BLK: variants seen among roughly 807,000 people sequenced by gnomAD.
The protein encoded by BLK is BLK proto-oncogene, Src family tyrosine kinase, also known as tyrosine-protein kinase Blk.
A neutral mutation model predicts 61.8 loss-of-function variants in BLK; 64 were observed. The ratio of observed to expected loss-of-function variants is 1.03; its 90% CI spans 0.85 to 1.27. BLK has a LOEUF of 1.27. Ranked by LOEUF, BLK falls within the 50% of genes most tolerant of loss-of-function variation. The probability of loss-of-function intolerance (pLI) is 0.00; values close to 1 mark genes in which losing one functional copy is unlikely to be tolerated. For synonymous variants in BLK, 351 were observed against 272.0 expected (o/e 1.29, Z -2.86); for missense variants, 853 against 660.5 (o/e 1.29, Z -3.19).
chr8:11,504,089 C>T (rs1423547455), intron 1 of BLK, among the ~76,000 whole-genome samples: 8 of 152,080 alleles, frequency 5.3e-5, no homozygotes, highest in African/African-American at 1.4e-4. Context: ...TTTGGGAGGC[C>T]GAGGCAGGCG....
intron 1 of BLK, among the ~76,000 whole-genome samples, chr8:11,539,581 CT>C (rs1009135186): frequency 5.9e-5 from 9 of 152,092 alleles, no homozygotes; most frequent in African/African-American, 2.2e-4. Flanking sequence ...GGTATGTGTG[CT>C]TTTTTATTTT....
intron 1 of BLK, among the ~76,000 whole-genome samples, chr8:11,537,620 T>A (rs897630327): frequency 3.3e-5 from 5 of 152,158 alleles, no homozygotes; most frequent in African/African-American, 1.2e-4. Context: ...AGTAACACCC[T>A]CCAGCTGCCA....
chr8:11,499,432 C>T (rs1798476620), intron 1 of BLK, among the ~76,000 whole-genome samples: 1 of 152,170 alleles, frequency 6.6e-6, no homozygotes, highest in Admixed American at 6.5e-5. Context: ...GATAGTCAGT[C>T]CAAGAGCTGT....
At chr8:11,507,147 C>G (rs548525787) in intron 1 of BLK, among the ~76,000 whole-genome samples, 3 of 152,354 alleles carry the variant, frequency 2.0e-5, no homozygotes, top group African/African-American at 7.2e-5. Flanking sequence ...TAAATGTACA[C>G]TGTGATTTTA....
chr8:11,556,876 G>C, intron 9 of BLK, 39 bp downstream of exon 9: 1 of 1,605,208 alleles, frequency 6.2e-7, no homozygotes, highest in Middle Eastern at 1.8e-4. Flanking sequence ...AGAGCGAGGC[G>C]GGAGGGCCGG....
At chr8:11,519,942 C>A (rs1031123066) in intron 1 of BLK, among the ~76,000 whole-genome samples, 1 of 152,124 alleles carries the variant, frequency 6.6e-6, no homozygotes, top group African/African-American at 2.4e-5. Flanking sequence ...TATTGGGGTT[C>A]TGGGAAACGT....
At chr8:11,517,206 G>A (rs1799263669) in intron 1 of BLK, among the ~76,000 whole-genome samples, 1 of 152,228 alleles carries the variant, frequency 6.6e-6, no homozygotes, top group Non-Finnish European at 1.5e-5. Flanking sequence ...CCGGCTCTCG[G>A]CCAAGGCAGA....
chr8:11,525,710 T>G (rs1378835142), intron 1 of BLK, among the ~76,000 whole-genome samples: 2 of 152,232 alleles, frequency 1.3e-5, no homozygotes, highest in Non-Finnish European at 2.9e-5. Context: ...TCATGTGCCC[T>G]CCTCAGAAGC....
intron 1 of BLK, among the ~76,000 whole-genome samples, chr8:11,542,568 G>A (rs1298268265): frequency 6.6e-6 from 1 of 152,152 alleles, no homozygotes; most frequent in African/African-American, 2.4e-5. Context: ...TGTTGATGGT[G>A]TCAAAAGGGC....
chr8:11,527,630 G>A (rs1216633927), intron 1 of BLK, among the ~76,000 whole-genome samples: 1 of 152,054 alleles, frequency 6.6e-6, no homozygotes, highest in Non-Finnish European at 1.5e-5. Flanking sequence ...GGGTGTTGCT[G>A]ATTGCTTGTA....
rs1798771432 is a variant in BLK, at chr8:11,506,422, G to T, written c.-2+11831G>T. ...CATGGCACTAGTTTCATGGAAGGTGGAAGGGCAGGTTAGGCTTCTTATGAG... is the reference window on the plus strand; with the variant it reads ...CATGGCACTAGTTTCATGGAAGGTGTAAGGGCAGGTTAGGCTTCTTATGAG... On this transcript the variant is annotated intron_variant, in intron 1 of 12. Transcript: ENST00000259089. Among the ~76,000 whole-genome samples the T allele has an allele frequency of 1.3e-5, 2 of 152,216 alleles. 1 individual carries two copies. The highest frequency in any genetic ancestry group is 4.1e-4 in the South Asian group (2 of 4,830).
rs775381312 is a variant in BLK at position 11,564,105 on chromosome 8, C to G, written c.1515C>G (p.Pro505=). The stretch of plus-strand genomic sequence containing the variant: ...CCGAGCGGCAGTACGAGCTGCAGCC[C>G]TAGCCGGCCGCGCCCGCCTGCGCCC... ...TATERQYELQ[P] The change falls in exon 13 of 13, where the codon CCC becomes CCG. Residue 505 remains proline, a synonymous_variant. Coordinates refer to ENST00000259089, the MANE Select transcript of BLK (RefSeq NM_001715.3). 2.4e-5 allele frequency: 38 copies of G among 1,562,676 alleles called. No homozygotes were observed. The highest frequency in any genetic ancestry group is 1.8e-4 in the Middle Eastern group (1 of 5,712).
rs551647338 is a variant in BLK, at chr8:11,555,379, C to T, written c.667C>T (p.Pro223Ser). 1.9e-6 allele frequency: 3 copies of T among 1,614,106 alleles called. No individual in the cohort carries two copies. Among genetic ancestry groups the T allele is most frequent in the South Asian group, 1.1e-5 (1 of 91,080 alleles). ...GAGGCTGACCCTGCCCTGTGTGCGC[C>T]CGGCCCCGCAGAATCCCTGGGCCCA... is the stretch of plus-strand genomic sequence containing the variant. ...CQRLTLPCVR[P>S]APQNPWAQDE... The change falls in exon 8 of 13, where the codon CCG becomes TCG. Residue 223 changes from proline (P) to serine (S), a missense_variant. Physicochemically the swap from Pro to Ser is moderately conservative, Grantham distance 74. Transcript: ENST00000259089.
chr8:11,554,730 A>G lies in BLK; in HGVS notation c.473-13A>G, dbSNP rs1469089286. 6.2e-7 allele frequency: 1 copy of G among 1,612,560 alleles called. No homozygotes were observed. Among genetic ancestry groups the G allele is most frequent in the African/African-American group, 1.3e-5 (1 of 74,912 alleles). ...TGCCTTACTTCTCGTGTGTGTCTTC[A>G]TGAACCCTCCAGGTGCCTTCTCCCT... On this transcript the variant is annotated splice_polypyrimidine_tract_variant and intron_variant, in intron 6 of 12. Transcript: ENST00000259089.
chr8:11,557,898 G>C (rs1260770019), intron 9 of BLK, 64 bp from the exon 10 acceptor site: 1 of 1,488,538 alleles, frequency 6.7e-7, no homozygotes, highest in African/African-American at 1.4e-5. Context: ...ACACCAGAGA[G>C]AGGCTGGCAC....
chr8:11,554,662 C>T (rs1242371177), intron 6 of BLK, 81 bp from the exon 7 acceptor site: 3 of 1,559,190 alleles, frequency 1.9e-6, no homozygotes, highest in Non-Finnish European at 2.6e-6. Context: ...TTTTTCAAAG[C>T]TTTAAAATGA....
intron 1 of BLK, among the ~76,000 whole-genome samples, chr8:11,528,610 G>T (rs528271261): frequency 2.6e-5 from 4 of 152,246 alleles, no homozygotes; most frequent in East Asian, 1.9e-4. Context: ...GGGCATATTT[G>T]GGGGAGGGGT....
intron 10 of BLK, chr8:11,558,642 C>G (rs1360659514): frequency 6.6e-6 from 3 of 455,990 alleles, no homozygotes; most frequent in South Asian, 1.5e-5. Context: ...CTCAGTGTCC[C>G]TCACGTTCAC....
At chr8:11,519,624 A>T (rs1799361504) in intron 1 of BLK, among the ~76,000 whole-genome samples, 2 of 152,212 alleles carry the variant, frequency 1.3e-5, no homozygotes, top group Admixed American at 6.5e-5. Flanking sequence ...CAGTCACCAC[A>T]TCGAGAACTT....
Sources: gnomAD v4.1 joint callset for allele counts (sites outside exome capture counted in the v4.1 genomes callset) on GRCh38, gnomAD v4.1.1 for gene constraint, MANE v1.5 for transcripts, NCBI Gene and HGNC (gene_info 2026-07-23, HGNC 2026-07-21) for gene names.